Variants in SCARA5 observed in about 807,000 individuals in gnomAD.
The protein encoded by SCARA5 is scavenger receptor class A, member 5 (putative).
A neutral mutation model predicts 46.3 loss-of-function variants in SCARA5; 45 were observed. That is an observed-to-expected ratio of 0.97 (90% CI 0.76 to 1.24). The LOEUF (loss-of-function observed/expected upper bound fraction) is 1.24. SCARA5 is among the 50% of genes most tolerant of loss of function. SCARA5 has a pLI of 0.00. For missense variants in SCARA5, 680 were observed against 689.0 expected (o/e 0.99, Z 0.15); for synonymous variants, 333 against 306.5 (o/e 1.09, Z -0.90).
At chr8:27,962,735 T>G (rs1451113772) in intron 3 of SCARA5, among the ~76,000 whole-genome samples, 1 of 152,224 alleles carries the variant, frequency 6.6e-6, no homozygotes. Flanking sequence ...TGGGCTCTCC[T>G]TTGTATAATT....
At chr8:27,900,705 A>G (rs1444095502) in intron 7 of SCARA5, among the ~76,000 whole-genome samples, 2 of 152,090 alleles carry the variant, frequency 1.3e-5, no homozygotes, top group Admixed American at 1.3e-4. Context: ...TAGTTGCAAA[A>G]ACACTATTTA....
rs144977060 is a variant in SCARA5, at chr8:27,907,572, C to CTTTTTTTTTTTTTTTTTTT, written c.998-345_998-327dup. 4.6e-3 allele frequency among the ~76,000 whole-genome samples: 452 copies of CTTTTTTTTTTTTTTTTTTT among 97,238 alleles called. 21 individuals carry two copies. The highest frequency in any genetic ancestry group is 0.015 in the East Asian group (37 of 2,534). 63.8% of individuals were successfully genotyped at this position (97,238 alleles called of 152,430 possible). A position where few individuals can be genotyped will look rare whatever the true frequency, so the allele number is the denominator to read the frequency against. On this transcript the variant is annotated intron_variant, in intron 5 of 8. Transcript: ENST00000354914. ...GCTGGAGACTTAGAATCAGCAAACA[C>CTTTTTTTTTTTTTTTTTTT]TTTTTTTTTTTTTTTTTTTTGAGAC...
chr8:27,926,619 G>A (rs1807684762), intron 3 of SCARA5, among the ~76,000 whole-genome samples: 1 of 152,158 alleles, frequency 6.6e-6, no homozygotes, highest in Non-Finnish European at 1.5e-5. Context: ...TAAATTAATA[G>A]AAGATGCTCT....
intron 3 of SCARA5, among the ~76,000 whole-genome samples, chr8:27,958,655 C>A (rs538980821): frequency 1.3e-5 from 2 of 152,318 alleles, no homozygotes; most frequent in African/African-American, 4.8e-5. Flanking sequence ...GACAGATGTC[C>A]AAGTCCAGAG....
At chr8:27,955,510 G>C (rs1257579577) in intron 3 of SCARA5, among the ~76,000 whole-genome samples, 6 of 152,234 alleles carry the variant, frequency 3.9e-5, no homozygotes, top group African/African-American at 1.4e-4. Flanking sequence ...TGAGCTGGAA[G>C]CATGGGGTGA....
At chr8:27,961,874 C>T (rs1387865124) in intron 3 of SCARA5, among the ~76,000 whole-genome samples, 2 of 152,070 alleles carry the variant, frequency 1.3e-5, no homozygotes, top group Non-Finnish European at 2.9e-5. Context: ...AAATAATCAT[C>T]TTTTTTTTCT....
intron 3 of SCARA5, among the ~76,000 whole-genome samples, chr8:27,946,514 T>C (rs1808039375): frequency 6.6e-6 from 1 of 152,218 alleles, no homozygotes; most frequent in South Asian, 2.1e-4. Context: ...GTTAGCACCT[T>C]GATCTTGGAC....
At chr8:27,959,314 C>T (rs969403291) in intron 3 of SCARA5, among the ~76,000 whole-genome samples, 7 of 152,184 alleles carry the variant, frequency 4.6e-5, no homozygotes, top group East Asian at 1.9e-4. Flanking sequence ...GCACACTCCC[C>T]CCTGGCTAGG....
intron 3 of SCARA5, among the ~76,000 whole-genome samples, chr8:27,953,238 G>A (rs981721513): frequency 5.3e-5 from 8 of 152,214 alleles, no homozygotes; most frequent in Admixed American, 2.0e-4. Context: ...AGGCTGTCTC[G>A]AGAGTCCGAA....
intron 3 of SCARA5, among the ~76,000 whole-genome samples, chr8:27,932,303 G>A (rs1807787453): frequency 6.6e-6 from 1 of 152,174 alleles, no homozygotes; most frequent in Non-Finnish European, 1.5e-5. Context: ...TTTTTGCTGT[G>A]CATGGAGCCC....
chr8:27,986,421 G>C (rs1031259012), intron 2 of SCARA5, among the ~76,000 whole-genome samples: 18 of 152,174 alleles, frequency 1.2e-4, no homozygotes, highest in Non-Finnish European at 1.9e-4. Flanking sequence ...AGCCCTTTGA[G>C]GACAGAGATT....
At chr8:27,986,452 A>C (rs971655592) in intron 2 of SCARA5, among the ~76,000 whole-genome samples, 1 of 152,164 alleles carries the variant, frequency 6.6e-6, no homozygotes, top group African/African-American at 2.4e-5. Flanking sequence ...TGTTTGGAGA[A>C]TCCCTGGCTG....
At chr8:27,894,103 G>A (rs573248746) in intron 7 of SCARA5, among the ~76,000 whole-genome samples, 15 of 152,368 alleles carry the variant, frequency 9.8e-5, no homozygotes, top group Non-Finnish European at 1.5e-4. Context: ...CTGAGGTCCC[G>A]TCGTGCACAG....
intron 8 of SCARA5, among the ~76,000 whole-genome samples, chr8:27,878,172 C>T (rs115177892): frequency 2.0e-5 from 3 of 152,326 alleles, no homozygotes; most frequent in African/African-American, 4.8e-5. Context: ...GTGAGAGGAT[C>T]AGCCCCAATC....
intron 1 of SCARA5, among the ~76,000 whole-genome samples, chr8:27,988,434 C>T (rs939207833): frequency 6.6e-6 from 1 of 152,180 alleles, no homozygotes; most frequent in Non-Finnish European, 1.5e-5. Context: ...AGCCTGTTGA[C>T]GCAACAATGT....
chr8:27,875,624 C>G (rs780077667), intron 8 of SCARA5, among the ~76,000 whole-genome samples: 11 of 152,052 alleles, frequency 7.2e-5, no homozygotes, highest in Non-Finnish European at 1.5e-4. Flanking sequence ...GAACCACCAG[C>G]AGGTGCAGTG....
At chr8:27,964,537 A>G (rs1464419664) in intron 3 of SCARA5, among the ~76,000 whole-genome samples, 1 of 152,128 alleles carries the variant, frequency 6.6e-6, no homozygotes, top group Non-Finnish European at 1.5e-5. Flanking sequence ...AAGCCAGGAG[A>G]AAGCCTTTTT....
intron 4 of SCARA5, among the ~76,000 whole-genome samples, chr8:27,917,951 C>A (rs2685324): frequency 0.99 from 151,270 of 152,270 alleles, 75,148 homozygotes; most frequent in Middle Eastern, 1. Context: ...GGACCAGGAA[C>A]CCAAACTGGG....
rs1355397383 is a variant in SCARA5, at chr8:27,922,196, A to G, written c.291T>C (p.Asn97=). 3 of 1,599,136 alleles carry G rather than the reference A, an allele frequency of 1.9e-6. No homozygotes were observed. Among genetic ancestry groups the G allele is most frequent in the South Asian group, 1.1e-5 (1 of 88,584 alleles). ...GGAAGCTCTCATTCAGCCGGTTCAC[A>G]TTGCGAGTCAGGGCCTTCAGGTCGT... ...SPDDLKALTR[N]VNRLNESFRD... is the part of the protein sequence containing the mutation. Residue 97 remains asparagine, a synonymous_variant, in exon 4 of 9, where the codon AAT becomes AAC. Transcript: ENST00000354914.
Sources: allele counts gnomAD v4.1 joint callset (sites outside exome capture counted in the v4.1 genomes callset), GRCh38; gene constraint gnomAD v4.1.1; transcripts MANE v1.5; gene names NCBI Gene and HGNC (gene_info 2026-07-23, HGNC 2026-07-21).